The following MAPK10 variants were observed in gnomAD, a reference collection of about 807,000 sequenced individuals.
MAPK10 encodes the protein JNK3 alpha protein kinase.
MAPK10 carries 25 observed loss-of-function variants against 59.3 expected under a neutral mutation model. That is an observed-to-expected ratio of 0.42 (90% confidence interval 0.31 to 0.59). The LOEUF is 0.59. Among genes scored for constraint, MAPK10 ranks in the 20% least tolerant of loss-of-function variants. MAPK10 has a pLI of 0.15. For synonymous variants in MAPK10, 190 were observed against 200.5 expected, an observed-to-expected ratio of 0.95 and a Z score of 0.44; for missense variants, 351 against 568.9, an observed-to-expected ratio of 0.62 and a Z score of 3.90.
At chr4:86,124,458 T>C (rs2059752271) in intron 4 of MAPK10, 1 of 151,064 alleles carries the variant, frequency 6.6e-6, no homozygotes, top group South Asian at 2.1e-4. Context: ...ATAAGTCCTC[T>C]AAACTTTGGG....
In MAPK10 at chr4:86,013,094, A is replaced by G. The variant is rs897602755; in HGVS notation, c.*4134T>C. ...AAGTTACATATACAAGATTCTATAT[A>G]TAAACAGAGGCCCCTCACTTCAGTT... On this transcript the variant is annotated 3_prime_UTR_variant, in exon 14 of 14. Transcript: ENST00000641462. The G allele has an allele frequency of 2.0e-5, 3 of 152,230 alleles. No homozygotes were observed. Among genetic ancestry groups the G allele is most frequent in the Admixed American group, 2.0e-4 (3 of 15,276 alleles). 9.4% of individuals were successfully genotyped at this position (152,230 alleles called of 1,614,324 possible).
At chr4:86,286,928 G>T (rs754093217) in intron 2 of MAPK10, among the ~76,000 whole-genome samples, 5 of 152,162 alleles carry the variant, frequency 3.3e-5, no homozygotes, top group Non-Finnish European at 7.3e-5. Flanking sequence ...TAGGTAGAGA[G>T]CATGTTTGAG....
chr4:86,128,691 G>A (rs2060486964), intron 4 of MAPK10, among the ~76,000 whole-genome samples: 1 of 151,996 alleles, frequency 6.6e-6, no homozygotes, highest in Admixed American at 6.6e-5. Flanking sequence ...TTTTTACTAT[G>A]TTTGCTATTT....
intron 1 of MAPK10, among the ~76,000 whole-genome samples, chr4:86,395,962 A>G (rs1742860526): frequency 6.6e-6 from 1 of 152,230 alleles, no homozygotes; most frequent in Non-Finnish European, 1.5e-5. Context: ...TTTTGGGAAG[A>G]CACAAGCATT....
chr4:86,529,020 C>A (rs1037955495), intron 1 of MAPK10, among the ~76,000 whole-genome samples: 2 of 152,176 alleles, frequency 1.3e-5, no homozygotes, highest in Non-Finnish European at 2.9e-5. Flanking sequence ...GTCACCACCA[C>A]CAACCTCTTC....
intron 1 of MAPK10, among the ~76,000 whole-genome samples, chr4:86,572,588 A>C (rs190618715): frequency 6.4e-4 from 98 of 152,254 alleles, no homozygotes; most frequent in Middle Eastern, 6.8e-3. Flanking sequence ...TACTTATAAA[A>C]TACAGGTTTC....
rs1180516150 is a variant in MAPK10 at position 86,012,803 on chromosome 4, C to A, written c.*4425G>T. On this transcript the variant is annotated 3_prime_UTR_variant, in exon 14 of 14. Transcript: ENST00000641462. ...AAGAAACTGGACGTACATGGTTTTG[C>A]CTTCCAGGGTTGATCTAGAACTGTA... 1 of 152,206 alleles carries A rather than the reference C, an allele frequency of 6.6e-6. No homozygotes were observed. The highest frequency in any genetic ancestry group is 1.5e-5 in the Non-Finnish European group (1 of 68,042). 9.4% of individuals were successfully genotyped at this position (152,206 alleles called of 1,614,324 possible). A position where few individuals can be genotyped will look rare whatever the true frequency, so the allele number is the denominator to read the frequency against.
intron 13 of MAPK10, among the ~76,000 whole-genome samples, chr4:86,018,596 A>G (rs1744572427): frequency 6.6e-6 from 1 of 152,230 alleles, no homozygotes; most frequent in African/African-American, 2.4e-5. Context: ...TCAACAAAAG[A>G]AAGATGAACC....
At chr4:86,286,432 T>C (rs560465252) in intron 2 of MAPK10, among the ~76,000 whole-genome samples, 1 of 152,236 alleles carries the variant, frequency 6.6e-6, no homozygotes, top group East Asian at 1.9e-4. Context: ...ATAATAATAA[T>C]TACAAATAAC....
chr4:86,502,612 G>A (rs550152027), intron 1 of MAPK10, among the ~76,000 whole-genome samples: 3 of 151,926 alleles, frequency 2.0e-5, no homozygotes, highest in Admixed American at 6.6e-5. Flanking sequence ...AGTTTTTGAG[G>A]CATATTCTTG....
intron 2 of MAPK10, among the ~76,000 whole-genome samples, chr4:86,337,080 C>G (rs752050122): frequency 6.6e-6 from 1 of 152,120 alleles, no homozygotes; most frequent in Non-Finnish European, 1.5e-5. Context: ...TGAGCCACCA[C>G]GCCTGGCCAG....
intron 2 of MAPK10, among the ~76,000 whole-genome samples, chr4:86,325,520 T>C (rs1045933797): frequency 1.3e-5 from 2 of 152,320 alleles, no homozygotes; most frequent in African/African-American, 2.4e-5. Flanking sequence ...TCAACAAATA[T>C]GTTACTAAAT....
intron 4 of MAPK10, 139 bp from the exon 5 acceptor site, chr4:86,107,491 G>C (rs1222953839): frequency 4.5e-6 from 6 of 1,340,780 alleles, no homozygotes; most frequent in African/African-American, 3.0e-5. Flanking sequence ...TGCCAATCAG[G>C]CTTTAAGTAA....
intron 2 of MAPK10, among the ~76,000 whole-genome samples, chr4:86,294,304 C>T (rs1424838706): frequency 1.3e-5 from 2 of 152,126 alleles, no homozygotes; most frequent in Non-Finnish European, 2.9e-5. Flanking sequence ...CACTTGAATC[C>T]TTGCCCCTAG....
Position 86,105,541 on chromosome 4 carries a change from G to A in MAPK10, c.366+1682C>T, listed in dbSNP as rs534273219. On this transcript the variant is annotated intron_variant, in intron 5 of 13. Coordinates refer to ENST00000641462, the MANE Select transcript of MAPK10 (RefSeq NM_138982.4). ...ATTACAGGGTCTGGAATGAGGATGA[G>A]GGAAATATAAATACATGTATGGAAA... is the stretch of plus-strand genomic sequence containing the variant. Among the ~76,000 whole-genome samples, 5 of 152,140 alleles carry A rather than the reference G, an allele frequency of 3.3e-5. No individual in the cohort carries two copies. The East Asian group carries it at 5.8e-4, about 18-fold the overall frequency.
chr4:86,469,060 G>T (rs145338043), intron 1 of MAPK10, among the ~76,000 whole-genome samples: 1 of 152,150 alleles, frequency 6.6e-6, no homozygotes, highest in East Asian at 1.9e-4. Context: ...ATATATGAAG[G>T]CTTGTTATGT....
chr4:86,207,704 G>C (rs1447547245), intron 2 of MAPK10, among the ~76,000 whole-genome samples: 3 of 152,022 alleles, frequency 2.0e-5, no homozygotes, highest in Admixed American at 6.6e-5. Context: ...CCATTTGTTT[G>C]TATCCTCTTT....
chr4:86,553,284 G>C (rs1388707764), intron 1 of MAPK10, among the ~76,000 whole-genome samples: 1 of 152,060 alleles, frequency 6.6e-6, no homozygotes, highest in Non-Finnish European at 1.5e-5. Context: ...AGCAGCAAGA[G>C]ATAAGATTGA....
chr4:86,580,797 T>C (rs1762209635), intron 1 of MAPK10, among the ~76,000 whole-genome samples: 1 of 152,216 alleles, frequency 6.6e-6, no homozygotes, highest in Non-Finnish European at 1.5e-5. Flanking sequence ...CACATTTCTT[T>C]GAATGGAGCT....
Sources: allele counts gnomAD v4.1 joint callset (sites outside exome capture counted in the v4.1 genomes callset), GRCh38; gene constraint gnomAD v4.1.1; transcripts MANE v1.5; gene names NCBI Gene and HGNC (gene_info 2026-07-23, HGNC 2026-07-21).